Variants in CHST9 observed in about 807,000 individuals in gnomAD.
CHST9 encodes carbohydrate sulfotransferase 9, also known as GalNAc-4-sulfotransferase 2.
Under a neutral mutation model 44.4 loss-of-function variants are expected in CHST9, and 41 were observed. The ratio of observed to expected loss-of-function variants is 0.92; its 90% CI spans 0.72 to 1.20. CHST9 has a LOEUF of 1.20. Ranked by LOEUF, CHST9 falls within the 50% of genes most tolerant of loss-of-function variation. The pLI is 0.00. For synonymous variants in CHST9, 171 were observed against 178.4 expected, an observed-to-expected ratio of 0.96 and a Z score of 0.33; for missense variants, 504 against 516.5, an observed-to-expected ratio of 0.98 and a Z score of 0.23.
At chr18:26,964,472 A>G (rs545296691) in intron 4 of CHST9, among the ~76,000 whole-genome samples, 10 of 152,224 alleles carry the variant, frequency 6.6e-5, no homozygotes, top group Non-Finnish European at 1.3e-4. Flanking sequence ...ATGTATTTAC[A>G]ATAAGTGAGA....
At chr18:27,091,807 T>C (rs1293838403) in intron 2 of CHST9, among the ~76,000 whole-genome samples, 36 of 152,206 alleles carry the variant, frequency 2.4e-4, no homozygotes, top group Non-Finnish European at 4.4e-5. Context: ...AACTTGATCA[T>C]AGTGGATAAG....
chr18:26,956,324 A>T (rs182833091), intron 4 of CHST9, among the ~76,000 whole-genome samples: 5,000 of 128,978 alleles, frequency 0.039, 213 homozygotes, highest in African/African-American at 0.1. Context: ...AAAAAAAAAA[A>T]AAATATATAT....
intron 4 of CHST9, among the ~76,000 whole-genome samples, chr18:26,958,675 G>C (rs942564275): frequency 7.2e-5 from 11 of 152,036 alleles, no homozygotes; most frequent in African/African-American, 2.4e-4. Context: ...CAAAAGATGT[G>C]AACAGACACT....
chr18:27,070,102 T>C (rs964357602), intron 2 of CHST9, among the ~76,000 whole-genome samples: 2 of 152,206 alleles, frequency 1.3e-5, no homozygotes, highest in African/African-American at 4.8e-5. Context: ...ATTAGGATAA[T>C]GCCCATTCAA....
At chr18:26,999,708 C>T (rs1204320958) in intron 4 of CHST9, among the ~76,000 whole-genome samples, 2 of 151,922 alleles carry the variant, frequency 1.3e-5, no homozygotes, top group Non-Finnish European at 2.9e-5. Flanking sequence ...CTTTAACTTT[C>T]TAAATTCTAA....
chr18:27,079,571 G>A (rs1359355129), intron 2 of CHST9, among the ~76,000 whole-genome samples: 2 of 151,924 alleles, frequency 1.3e-5, no homozygotes, highest in African/African-American at 2.4e-5. Context: ...CCATATAGAC[G>A]AAAAAGTTTA....
At chr18:26,974,021 T>C (rs903195279) in intron 4 of CHST9, among the ~76,000 whole-genome samples, 9 of 152,246 alleles carry the variant, frequency 5.9e-5, no homozygotes, top group Non-Finnish European at 1.3e-4. Flanking sequence ...CACACTGAGA[T>C]GTTTTTAATC....
chr18:27,006,132 T>C (rs1278221406), intron 4 of CHST9, among the ~76,000 whole-genome samples: 1 of 152,208 alleles, frequency 6.6e-6, no homozygotes, highest in East Asian at 1.9e-4. Flanking sequence ...TAGCATGAAG[T>C]TAAAACGATC....
At chr18:26,924,946 T>C (rs1196189966) in intron 5 of CHST9, 1 of 152,280 alleles carries the variant, frequency 6.6e-6, no homozygotes, top group Non-Finnish European at 1.5e-5. Flanking sequence ...ACACGTGTTT[T>C]CTGAGCACAA....
chr18:27,017,238 T>G (rs1433377849), intron 4 of CHST9, among the ~76,000 whole-genome samples: 1 of 152,222 alleles, frequency 6.6e-6, no homozygotes, highest in Admixed American at 6.5e-5. Flanking sequence ...TTCTGACTTA[T>G]GATGGGCTTC....
intron 5 of CHST9, chr18:26,936,720 G>A (rs2055999336): frequency 6.6e-6 from 1 of 152,058 alleles, no homozygotes; most frequent in Non-Finnish European, 1.5e-5. Context: ...ATGCTAGCAA[G>A]CAGAGAAGGT....
At chr18:26,940,718 C>G (rs1198807524) in intron 5 of CHST9, among the ~76,000 whole-genome samples, 1 of 152,168 alleles carries the variant, frequency 6.6e-6, no homozygotes, top group Non-Finnish European at 1.5e-5. Flanking sequence ...TCTGAGGTTT[C>G]CGGCTTGTTA....
chr18:26,991,287 G>C lies in CHST9; in HGVS notation c.202+32829C>G, dbSNP rs557264617. On this transcript the variant is annotated intron_variant, in intron 4 of 5. Transcript: ENST00000618847. ...ATCCTCTTAATTCTCTAACGGATTA[G>C]ATATGGGATGTGAGAGAAAGAAAAG... Among the ~76,000 whole-genome samples, 4 of 152,266 alleles carry C rather than the reference G, an allele frequency of 2.6e-5. No individual in the cohort carries two copies. In the East Asian group the frequency reaches 7.7e-4, roughly 29 times the overall value.
chr18:27,162,152 T>C (rs541733008), intron 1 of CHST9, among the ~76,000 whole-genome samples: 1 of 152,332 alleles, frequency 6.6e-6, no homozygotes, highest in African/African-American at 2.4e-5. Context: ...CCTGTAATTA[T>C]GATGTTAGCT....
At chr18:27,032,336 T>C (rs1233776859) in intron 3 of CHST9, among the ~76,000 whole-genome samples, 2 of 152,114 alleles carry the variant, frequency 1.3e-5, no homozygotes, top group Non-Finnish European at 2.9e-5. Flanking sequence ...CACAGAGACA[T>C]ACACCTTCCT....
At chr18:26,936,077 G>A (rs1431594163) in intron 5 of CHST9, 1 of 152,134 alleles carries the variant, frequency 6.6e-6, no homozygotes, top group African/African-American at 2.4e-5. Flanking sequence ...ATACGCAAAA[G>A]GATGCATCAA....
intron 4 of CHST9, among the ~76,000 whole-genome samples, chr18:27,020,592 T>C (rs1205062221): frequency 1.3e-5 from 2 of 152,250 alleles, no homozygotes; most frequent in African/African-American, 4.8e-5. Flanking sequence ...CCAAAGATCT[T>C]GACTAGGAGC....
intron 4 of CHST9, among the ~76,000 whole-genome samples, chr18:26,955,232 T>C (rs1027202433): frequency 3.3e-5 from 5 of 152,042 alleles, no homozygotes; most frequent in African/African-American, 1.2e-4. Flanking sequence ...CTGTTTTTTT[T>C]TTTTTTTGTA....
At chr18:26,951,726 T>G (rs1416168616) in intron 4 of CHST9, among the ~76,000 whole-genome samples, 2 of 152,214 alleles carry the variant, frequency 1.3e-5, no homozygotes, top group Non-Finnish European at 2.9e-5. Flanking sequence ...ATGGCTTAGA[T>G]TTTAGATCAC....
Sources: gnomAD v4.1 joint callset for allele counts (sites outside exome capture counted in the v4.1 genomes callset) on GRCh38, gnomAD v4.1.1 for gene constraint, MANE v1.5 for transcripts, NCBI Gene and HGNC (gene_info 2026-07-23, HGNC 2026-07-21) for gene names.